Variants in SLC35F4 observed in about 807,000 individuals in gnomAD.
SLC35F4 encodes the protein solute carrier family 35 member F4.
SLC35F4 carries 24 observed loss-of-function variants against 44.2 expected under a neutral mutation model. The observed-to-expected ratio is 0.54, with a 90% CI of 0.39 to 0.76. The LOEUF is 0.76. SLC35F4 is among the 30% of genes least tolerant of loss of function. SLC35F4 has a pLI of 0.00. For missense variants in SLC35F4, 562 were observed against 586.1 expected (o/e 0.96, Z 0.42); for synonymous variants, 238 against 223.6 (o/e 1.06, Z -0.57).
At chr14:57,917,535 C>G (rs1237697788) in intron 1 of SLC35F4, among the ~76,000 whole-genome samples, 3 of 151,928 alleles carry the variant, frequency 2.0e-5, no homozygotes, top group Non-Finnish European at 4.4e-5. Flanking sequence ...TTCAATGTGA[C>G]TTGTAAATTT....
chr14:57,681,591 G>A lies in SLC35F4; in HGVS notation c.104-87467C>T, dbSNP rs926840993. ...GGCATACCATTCAGGACACTGGCAT[G>A]GGCAAAGACTTCATGACTAAAACAC... On this transcript the variant is annotated intron_variant, in intron 1 of 7. Transcript: ENST00000556826. Among the ~76,000 whole-genome samples the A allele has an allele frequency of 4.6e-5, 7 of 152,052 alleles. 1 individual carries two copies. Among genetic ancestry groups the A allele is most frequent in the African/African-American group, 1.7e-4 (7 of 41,328 alleles).
intron 3 of SLC35F4, 108 bp downstream of exon 3, chr14:57,589,108 C>T: frequency 8.1e-7 from 1 of 1,237,110 alleles, no homozygotes; most frequent in East Asian, 2.3e-5. Flanking sequence ...GATCTTGTTT[C>T]TTCACATACC....
At chr14:57,692,706 G>C (rs770184503) in intron 1 of SLC35F4, among the ~76,000 whole-genome samples, 7 of 151,906 alleles carry the variant, frequency 4.6e-5, no homozygotes, top group Admixed American at 2.0e-4. Flanking sequence ...ATGTTAATCT[G>C]TAGTGAGGGA....
intron 1 of SLC35F4, among the ~76,000 whole-genome samples, chr14:57,826,993 C>A (rs557988179): frequency 2.0e-5 from 3 of 152,078 alleles, no homozygotes; most frequent in African/African-American, 4.8e-5. Context: ...TTTGACCCAG[C>A]AATCCCATTA....
chr14:57,895,982 G>C (rs1037012583), intron 1 of SLC35F4, among the ~76,000 whole-genome samples: 1 of 152,056 alleles, frequency 6.6e-6, no homozygotes, highest in Non-Finnish European at 1.5e-5. Context: ...TTAAAGAGCA[G>C]GAGCCATGCT....
intron 1 of SLC35F4, among the ~76,000 whole-genome samples, chr14:57,948,055 G>T (rs912891008): frequency 1.3e-5 from 2 of 152,080 alleles, no homozygotes; most frequent in Admixed American, 1.3e-4. Flanking sequence ...GATTTGAGAT[G>T]ATTTAAGAAG....
At chr14:57,807,333 A>G (rs1021582200) in intron 1 of SLC35F4, among the ~76,000 whole-genome samples, 1 of 152,040 alleles carries the variant, frequency 6.6e-6, no homozygotes, top group Non-Finnish European at 1.5e-5. Context: ...AGGTGGGGCC[A>G]GGTAGTTCTG....
At chr14:57,741,406 G>C (rs754523324) in intron 1 of SLC35F4, among the ~76,000 whole-genome samples, 2 of 152,132 alleles carry the variant, frequency 1.3e-5, no homozygotes, top group Non-Finnish European at 1.5e-5. Context: ...TGACCTGATG[G>C]AGCTGAAAAC....
At chr14:57,744,463 AC>A (rs2076702643) in intron 1 of SLC35F4, among the ~76,000 whole-genome samples, 1 of 152,044 alleles carries the variant, frequency 6.6e-6, no homozygotes, top group South Asian at 2.1e-4. Flanking sequence ...TCATGAGTGA[AC>A]CCCCATTCAC....
intron 1 of SLC35F4, among the ~76,000 whole-genome samples, chr14:57,646,654 C>T (rs973423452): frequency 1.3e-5 from 2 of 152,048 alleles, no homozygotes; most frequent in African/African-American, 2.4e-5. Context: ...TATTTCTCAC[C>T]TTCTGTTCGC....
chr14:57,684,548 T>C (rs1048561126), intron 1 of SLC35F4, among the ~76,000 whole-genome samples: 2 of 152,130 alleles, frequency 1.3e-5, no homozygotes, highest in Non-Finnish European at 2.9e-5. Flanking sequence ...TAATGCTCAC[T>C]TGCCTGCTGC....
chr14:57,914,461 G>T (rs1215409986), intron 1 of SLC35F4, among the ~76,000 whole-genome samples: 1 of 152,142 alleles, frequency 6.6e-6, no homozygotes, highest in Non-Finnish European at 1.5e-5. Flanking sequence ...TACTCGGGAG[G>T]CTGAGGCAGG....
chr14:57,591,692 G>A (rs115649659), intron 2 of SLC35F4, among the ~76,000 whole-genome samples: 3,832 of 152,282 alleles, frequency 0.025, 74 homozygotes, highest in South Asian at 0.048. Context: ...TTTCCATTCA[G>A]GCACTGCAAG....
intron 1 of SLC35F4, among the ~76,000 whole-genome samples, chr14:57,616,663 G>T (rs1392211399): frequency 1.3e-5 from 2 of 152,152 alleles, no homozygotes; most frequent in African/African-American, 4.8e-5. Flanking sequence ...CTCCATCACT[G>T]CCTGTTTACT....
At chr14:57,924,215 G>C (rs1889500526) in intron 1 of SLC35F4, among the ~76,000 whole-genome samples, 2 of 152,168 alleles carry the variant, frequency 1.3e-5, no homozygotes, top group Non-Finnish European at 2.9e-5. Flanking sequence ...AGCAGTGTGA[G>C]AATGAACCAA....
intron 4 of SLC35F4, among the ~76,000 whole-genome samples, chr14:57,579,739 G>A (rs1488978182): frequency 6.6e-6 from 1 of 152,174 alleles, no homozygotes; most frequent in Non-Finnish European, 1.5e-5. Context: ...TAATATTCTA[G>A]ACATTGGAAG....
At chr14:57,719,573 T>C (rs986609081) in intron 1 of SLC35F4, among the ~76,000 whole-genome samples, 20 of 125,866 alleles carry the variant, frequency 1.6e-4, no homozygotes, top group African/African-American at 5.1e-4. Flanking sequence ...TTTAATTCTA[T>C]TTGTGGCTAT....
chr14:57,915,154 G>A (rs918102436), intron 1 of SLC35F4, among the ~76,000 whole-genome samples: 2 of 152,134 alleles, frequency 1.3e-5, no homozygotes, highest in African/African-American at 2.4e-5. Flanking sequence ...GGTGTCTGAG[G>A]AGCACTGCAC....
chr14:57,921,492 AG>A (rs1412600839), intron 1 of SLC35F4, among the ~76,000 whole-genome samples: 1 of 152,212 alleles, frequency 6.6e-6, no homozygotes, highest in African/African-American at 2.4e-5. Flanking sequence ...TCCTTAGACC[AG>A]TATATTAGTT....
Sources: gnomAD v4.1 joint callset for allele counts (sites outside exome capture counted in the v4.1 genomes callset) on GRCh38, gnomAD v4.1.1 for gene constraint, MANE v1.5 for transcripts, NCBI Gene and HGNC (gene_info 2026-07-23, HGNC 2026-07-21) for gene names.